The following ZNF714 variants were observed in gnomAD, a reference collection of about 807,000 sequenced individuals.
ZNF714 encodes the protein zinc finger protein 714.
Under a neutral mutation model 46.2 loss-of-function variants are expected in ZNF714, and 32 were observed. The ratio of observed to expected loss-of-function variants is 0.69; its 90% confidence interval spans 0.52 to 0.93. ZNF714 has a LOEUF of 0.93. ZNF714 is among the 40% of genes least tolerant of loss of function. ZNF714 has a pLI of 0.00. For missense variants in ZNF714, 635 were observed against 646.3 expected (o/e 0.98, Z 0.19); for synonymous variants, 199 against 213.1 (o/e 0.93, Z 0.58).
chr19:21,106,424 C>T (rs1969315363), intron 4 of ZNF714, among the ~76,000 whole-genome samples: 5 of 151,744 alleles, frequency 3.3e-5, no homozygotes, highest in African/African-American at 1.2e-4. Flanking sequence ...CAAAAATTAG[C>T]TGGGCGTGGT....
intron 2 of ZNF714, among the ~76,000 whole-genome samples, chr19:21,094,710 A>G (rs1056621493): frequency 1.3e-5 from 2 of 152,146 alleles, no homozygotes; most frequent in Admixed American, 1.3e-4. Flanking sequence ...TATTTTTAGT[A>G]AAGATAGGAT....
chr19:21,087,222 C>CAAAAAAAAAAAAAAA (rs57295093), intron 2 of ZNF714, among the ~76,000 whole-genome samples: 1 of 92,168 alleles, frequency 1.1e-5, no homozygotes. Flanking sequence ...GCAGTCTCAG[C>CAAAAAAAAAAAAAAA]AAAAAAAAAA....
At position 21,124,691 on chromosome 19, in the gene ZNF714, C is replaced by T. The variant is rs1425318238; in HGVS notation, c.*6359C>T. ...AGTCACCATGTTGTACAATAAATCTCTTGAACTTATTTCTCCTATTTGACT... is the reference window on the plus strand; with the variant it reads ...AGTCACCATGTTGTACAATAAATCTTTTGAACTTATTTCTCCTATTTGACT... On this transcript the variant is annotated 3_prime_UTR_variant, in exon 5 of 5. Transcript: ENST00000456283. 6.6e-6 allele frequency among the ~76,000 whole-genome samples: 1 copy of T among 152,082 alleles called. No homozygotes were observed. The highest frequency in any genetic ancestry group is 1.5e-5 in the Non-Finnish European group (1 of 68,014).
chr19:21,084,255 A>C (rs1245124813), intron 2 of ZNF714, among the ~76,000 whole-genome samples, 186 bp downstream of exon 2: 1 of 152,028 alleles, frequency 6.6e-6, no homozygotes, highest in Admixed American at 6.5e-5. Flanking sequence ...TCAAGCAAAC[A>C]AACAAAAAAC....
rs1599556049 is a variant in ZNF714 at position 21,117,598 on chromosome 19, T to G, written c.934T>G (p.Ser312Ala). ...TAAGATAATTCATTCTGGAGAGAAA[T>G]CTTACAAATGTGAACAATGTGGCAA... ...KHKIIHSGEKSYKCEQCGKGF... is the reference protein window; with the variant it reads ...KHKIIHSGEKAYKCEQCGKGF... Residue 312 changes from serine (S) to alanine (A), a missense_variant, in exon 5 of 5, where the codon TCT (serine) becomes GCT (alanine). Ser to Ala is a moderately conservative substitution (Grantham distance 99, BLOSUM62 1). Transcript: ENST00000456283. 2 of 1,609,094 alleles carry G rather than the reference T, an allele frequency of 1.2e-6. No homozygotes were observed. Among genetic ancestry groups the G allele is most frequent in the Non-Finnish European group, 1.7e-6 (2 of 1,177,502 alleles).
chr19:21,122,216 T>C lies in ZNF714; in HGVS notation c.*3884T>C, dbSNP rs1969715428. On this transcript the variant is annotated 3_prime_UTR_variant, in exon 5 of 5. Transcript: ENST00000456283. ...ATTACAGTTCTTACTGTGTAATCGA[T>C]GCTCCATAATAATTCACAAATATTC... 1 of 152,224 alleles carries C rather than the reference T, an allele frequency of 6.6e-6. No individual in the cohort carries two copies. The highest frequency in any genetic ancestry group is 2.1e-4 in the South Asian group (1 of 4,834). 9.4% of individuals were successfully genotyped at this position (152,224 alleles called of 1,614,324 possible).
intron 4 of ZNF714, 123 bp downstream of exon 4, chr19:21,099,033 G>T: frequency 4.1e-6 from 2 of 488,874 alleles, no homozygotes; most frequent in Middle Eastern, 6.2e-4. Flanking sequence ...ATAGTTTCTG[G>T]GAAGACTGAA....
chr19:21,117,513 A>G lies in ZNF714; in HGVS notation c.849A>G (p.Lys283=), dbSNP rs749724575. ...TTHKFIHVKE[K]PYKCEECDKA... ...ATAAGTTCATTCATGTTAAAGAAAAACCCTACAAATGTGAAGAATGTGACA... is the reference window on the plus strand; with the variant it reads ...ATAAGTTCATTCATGTTAAAGAAAAGCCCTACAAATGTGAAGAATGTGACA... The change falls in exon 5 of 5, where the codon AAA becomes AAG. Residue 283 remains lysine (K), a synonymous_variant. Coordinates refer to ENST00000456283, the MANE Select transcript of ZNF714 (RefSeq NM_182515.4). 4.4e-6 allele frequency: 7 copies of G among 1,607,698 alleles called. No homozygotes were observed. Among genetic ancestry groups the G allele is most frequent in the South Asian group, 1.1e-5 (1 of 90,604 alleles).
At chr19:21,082,373 CGA>C (rs1396645225) in intron 1 of ZNF714, 25 bp downstream of exon 1, 2 of 1,455,786 alleles carry the variant, frequency 1.4e-6, no homozygotes, top group Non-Finnish European at 1.9e-6. Context: ...TCCGACATCC[CGA>C]GAGAGGGGAA....
chr19:21,113,983 A>T (rs1475832597), intron 4 of ZNF714, among the ~76,000 whole-genome samples: 1 of 152,178 alleles, frequency 6.6e-6, no homozygotes. Flanking sequence ...TGGGGTGTTA[A>T]AGACTCTCAC....
intron 4 of ZNF714, among the ~76,000 whole-genome samples, chr19:21,108,383 C>T (rs1226723632): frequency 5.3e-5 from 8 of 152,130 alleles, no homozygotes; most frequent in African/African-American, 1.7e-4. Flanking sequence ...ATGTCTATGT[C>T]CTGCAAACCT....
chr19:21,087,585 C>T (rs1189472506), intron 2 of ZNF714, among the ~76,000 whole-genome samples: 3 of 152,104 alleles, frequency 2.0e-5, no homozygotes, highest in African/African-American at 7.2e-5. Context: ...CCTTTTATAA[C>T]TCTTTACAAA....
chr19:21,117,650 C>T lies in ZNF714; in HGVS notation c.986C>T (p.Thr329Ile). 6.2e-7 allele frequency: 1 copy of T among 1,613,484 alleles called. No individual in the cohort carries two copies. The highest frequency in any genetic ancestry group is 8.5e-7 in the Non-Finnish European group (1 of 1,179,774). ...GGCTTTAACTGGTCTTCAACCCTTA[C>T]AAAACATAAAAGAATTCATACTGGA... ...GKGFNWSSTLTKHKRIHTGEK... is the reference protein window; with the variant it reads ...GKGFNWSSTLIKHKRIHTGEK... The change falls in exon 5 of 5, where the codon ACA becomes ATA. Residue 329 changes from threonine to isoleucine, a missense_variant. Thr to Ile is a moderately conservative substitution (Grantham distance 89, BLOSUM62 -1). Transcript: ENST00000456283.
At chr19:21,100,483 G>GA (rs1435805357) in intron 4 of ZNF714, among the ~76,000 whole-genome samples, 1 of 151,996 alleles carries the variant, frequency 6.6e-6, no homozygotes, top group African/African-American at 2.4e-5. Flanking sequence ...GGTGAGCCAA[G>GA]ATGGCACCAT....
chr19:21,109,406 A>G (rs1969395360), intron 4 of ZNF714, among the ~76,000 whole-genome samples: 1 of 152,030 alleles, frequency 6.6e-6, no homozygotes, highest in Non-Finnish European at 1.5e-5. Flanking sequence ...TTTTCTGTAG[A>G]TACAATTTTT....
intron 4 of ZNF714, among the ~76,000 whole-genome samples, chr19:21,107,190 G>A (rs376667479): frequency 3.3e-5 from 5 of 151,800 alleles, no homozygotes; most frequent in South Asian, 4.2e-4. Context: ...TTTCCTGGGC[G>A]TTTGGCTGGT....
chr19:21,107,297 T>C (rs1478443854), intron 4 of ZNF714, among the ~76,000 whole-genome samples: 2 of 151,846 alleles, frequency 1.3e-5, no homozygotes, highest in East Asian at 3.9e-4. Flanking sequence ...TGGAGTACAA[T>C]GGCGCAATCT....
In ZNF714 at chr19:21,117,406, A is replaced by C. The variant is rs771287124; in HGVS notation, c.742A>C (p.Lys248Gln). 1 of 1,613,404 alleles carries C rather than the reference A, an allele frequency of 6.2e-7. No homozygotes were observed. Among genetic ancestry groups the C allele is most frequent in the East Asian group, 2.2e-5 (1 of 44,818 alleles). ...FYHSSHLTTHKVIHTGEKPFK... is the reference protein window; with the variant it reads ...FYHSSHLTTHQVIHTGEKPFK... ...CCATTCTTCACACCTTACTACACATAAGGTAATTCATACTGGAGAGAAGCC... is the reference window on the plus strand; with the variant it reads ...CCATTCTTCACACCTTACTACACATCAGGTAATTCATACTGGAGAGAAGCC... The change falls in exon 5 of 5, where the codon AAG becomes CAG. Residue 248 changes from lysine to glutamine, a missense_variant. By Grantham distance (53) the Lys-to-Gln change is moderately conservative. Transcript: ENST00000456283.
At chr19:21,092,996 G>A (rs1388493431) in intron 2 of ZNF714, among the ~76,000 whole-genome samples, 2 of 134,716 alleles carry the variant, frequency 1.5e-5, no homozygotes, top group Non-Finnish European at 3.1e-5. Flanking sequence ...TGCAAGCTCC[G>A]CCTCCCGGGT....
Sources: gnomAD v4.1 joint callset for allele counts (sites outside exome capture counted in the v4.1 genomes callset) on GRCh38, gnomAD v4.1.1 for gene constraint, MANE v1.5 for transcripts, NCBI Gene and HGNC (gene_info 2026-07-23, HGNC 2026-07-21) for gene names.